AKAP13: variants seen among roughly 807,000 people sequenced by gnomAD.
AKAP13 encodes A-kinase anchor protein 13.
In AKAP13, 80 loss-of-function variants were observed where a neutral mutation model predicts 264.5. That is an observed-to-expected ratio of 0.30 (90% CI 0.25 to 0.36). The LOEUF is 0.36. Ranked by LOEUF, AKAP13 falls within the 10% of genes least tolerant of loss-of-function variation. The pLI, the probability that AKAP13 is intolerant of heterozygous loss-of-function variation, is 1.00. For missense variants in AKAP13, 3,712 were observed against 3,435.2 expected (o/e 1.08, Z -2.01); for synonymous variants, 1,380 against 1,250.2 (o/e 1.10, Z -2.19).
At chr15:85,506,538 A>G (rs148375603) in intron 2 of AKAP13, among the ~76,000 whole-genome samples, 2 of 151,438 alleles carry the variant, frequency 1.3e-5, no homozygotes, top group East Asian at 1.9e-4. Flanking sequence ...ATAATATATA[A>G]TGTATTAAAT....
In AKAP13 at chr15:85,672,111, C is replaced by G. The variant is rs536415972; in HGVS notation, c.5101+2281C>G. 2.0e-5 allele frequency among the ~76,000 whole-genome samples: 3 copies of G among 152,310 alleles called. No homozygotes were observed. In the South Asian group the frequency reaches 6.2e-4, roughly 32 times the overall value. ...GCTGAGAATTTTTCTGCTCAACTCA[C>G]CTAGGGAACCTGATTGCAGTAGTAG... On this transcript the variant is annotated intron_variant, in intron 14 of 36. Transcript: ENST00000394518.
intron 3 of AKAP13, among the ~76,000 whole-genome samples, chr15:85,522,211 TCTCATTAGGA>T (rs549779477): frequency 2.8e-4 from 43 of 152,286 alleles, no homozygotes; most frequent in South Asian, 2.3e-3. Context: ...GTGACTCAGT[TCTCATTAGGA>T]AAGGAATTGA....
chr15:85,664,849 TG>T, intron 13 of AKAP13, 94 bp downstream of exon 13: 1 of 1,177,286 alleles, frequency 8.5e-7, no homozygotes, highest in Non-Finnish European at 1.2e-6. Flanking sequence ...CTAGTAGCTA[TG>T]ATTACTTACC....
chr15:85,637,398 A>C (rs926735269), intron 8 of AKAP13, among the ~76,000 whole-genome samples: 1 of 152,146 alleles, frequency 6.6e-6, no homozygotes, highest in East Asian at 1.9e-4. Context: ...ATGGAATGCT[A>C]TTTCATCCAA....
chr15:85,554,937 A>G (rs1163693800), intron 5 of AKAP13, among the ~76,000 whole-genome samples: 2 of 152,326 alleles, frequency 1.3e-5, no homozygotes, highest in East Asian at 1.9e-4. Context: ...CAAATTACTC[A>G]TAGACAGTAG....
chr15:85,709,894 G>T (rs2086541207), intron 18 of AKAP13, among the ~76,000 whole-genome samples: 1 of 152,044 alleles, frequency 6.6e-6, no homozygotes, highest in Middle Eastern at 3.4e-3. Flanking sequence ...CGCCATGTTG[G>T]CTGGGCTGGT....
In AKAP13 at chr15:85,743,837, A is replaced by T. The variant is rs2089233088; in HGVS notation, c.8392+12A>T. ...CTCTCAGCCCGGTGGTGAGTCACGCACACCTGCTCTCCCTGTGGCCATAGT... is the reference window on the plus strand; with the variant it reads ...CTCTCAGCCCGGTGGTGAGTCACGCTCACCTGCTCTCCCTGTGGCCATAGT... On this transcript the variant is annotated intron_variant, in intron 36 of 36. Coordinates refer to ENST00000394518, the MANE Select transcript of AKAP13 (RefSeq NM_007200.5). The T allele has an allele frequency of 1.3e-6, 2 of 1,598,412 alleles. No individual in the cohort carries two copies. The highest frequency in any genetic ancestry group is 1.7e-6 in the Non-Finnish European group (2 of 1,173,214).
chr15:85,469,753 G>T (rs751200259), intron 1 of AKAP13, among the ~76,000 whole-genome samples: 13 of 152,188 alleles, frequency 8.5e-5, no homozygotes, highest in Non-Finnish European at 1.6e-4. Context: ...AGGTGGCAAA[G>T]AACTAGATTA....
chr15:85,719,599 C>T (rs1172549446), intron 23 of AKAP13, among the ~76,000 whole-genome samples: 5 of 152,114 alleles, frequency 3.3e-5, no homozygotes, highest in Non-Finnish European at 7.4e-5. Context: ...AGTTTTTCTT[C>T]CTCAGAGTCT....
chr15:85,574,288 C>A (rs1470756983), intron 5 of AKAP13, among the ~76,000 whole-genome samples: 1 of 152,132 alleles, frequency 6.6e-6, no homozygotes, highest in South Asian at 2.1e-4. Flanking sequence ...AAGATTCTTT[C>A]ATCTGCTGCA....
chr15:85,620,897 G>C (rs1322461654), intron 8 of AKAP13, among the ~76,000 whole-genome samples: 1 of 152,188 alleles, frequency 6.6e-6, no homozygotes, highest in Non-Finnish European at 1.5e-5. Flanking sequence ...AACTCCTCCA[G>C]CCGGTAAGAT....
At chr15:85,504,448 C>CTT (rs1260465150) in intron 2 of AKAP13, among the ~76,000 whole-genome samples, 1 of 134,490 alleles carries the variant, frequency 7.4e-6, no homozygotes, top group African/African-American at 2.8e-5. Flanking sequence ...GGGAGGATAG[C>CTT]TTAAGCCCAG....
chr15:85,466,218 A>C (rs1358479318), intron 1 of AKAP13, among the ~76,000 whole-genome samples: 8 of 150,526 alleles, frequency 5.3e-5, no homozygotes, highest in Non-Finnish European at 8.9e-5. Context: ...TTTTCTTGTA[A>C]ATTTGTTTGA....
At position 85,744,652 on chromosome 15, in the gene AKAP13, C is replaced by T; in HGVS notation, c.8417C>T (p.Ala2806Val). ...GATGGTCCCGCGTCAGAAGTATCAGCAGAGGGTGAAGAGATCTTCTGCTGA... is the reference window on the plus strand; with the variant it reads ...GATGGTCCCGCGTCAGAAGTATCAGTAGAGGGTGAAGAGATCTTCTGCTGA... ...PGDGPASEVSAEGEEIFC is the reference protein window; with the variant it reads ...PGDGPASEVSVEGEEIFC Residue 2806 changes from alanine (A) to valine (V), a missense_variant, in exon 37 of 37, where the codon GCA becomes GTA. Around this residue, in one of 3 missense-constraint regions of AKAP13, gnomAD observed 611 missense variants for 539.3 expected, o/e 1.13. Coordinates refer to ENST00000394518, the MANE Select transcript of AKAP13 (RefSeq NM_007200.5). The T allele has an allele frequency of 6.2e-7, 1 of 1,612,808 alleles. No individual in the cohort carries two copies. Among genetic ancestry groups the T allele is most frequent in the East Asian group, 2.2e-5 (1 of 44,862 alleles).
chr15:85,681,216 A>G (rs2084581247), intron 14 of AKAP13, among the ~76,000 whole-genome samples: 1 of 152,238 alleles, frequency 6.6e-6, no homozygotes, highest in Admixed American at 6.5e-5. Flanking sequence ...AACCTCAAGG[A>G]AAAAGGAAGG....
intron 17 of AKAP13, among the ~76,000 whole-genome samples, chr15:85,705,602 T>C (rs2086188061): frequency 6.6e-6 from 1 of 152,248 alleles, no homozygotes; most frequent in Non-Finnish European, 1.5e-5. Context: ...TAGAGTGTGA[T>C]GATTTTTTAA....
intron 1 of AKAP13, among the ~76,000 whole-genome samples, chr15:85,390,189 C>T (rs2150801154): frequency 6.6e-6 from 1 of 152,130 alleles, no homozygotes; most frequent in South Asian, 2.1e-4. Context: ...TAGTTGCTGC[C>T]GTTAATCTAT....
chr15:85,445,196 T>C (rs904947298), intron 1 of AKAP13, among the ~76,000 whole-genome samples: 17 of 152,212 alleles, frequency 1.1e-4, no homozygotes, highest in Non-Finnish European at 2.9e-5. Flanking sequence ...TGGATAACTC[T>C]TGTGAACATT....
Position 85,579,632 on chromosome 15 carries a change from C to A in AKAP13, c.1564C>A (p.His522Asn). 6.2e-7 allele frequency: 1 copy of A among 1,614,220 alleles called. No homozygotes were observed. The highest frequency in any genetic ancestry group is 8.5e-7 in the Non-Finnish European group (1 of 1,180,042). The change falls in exon 7 of 37, where the codon CAC becomes AAC. Residue 522 changes from histidine (H) to asparagine (N), a missense_variant. By Grantham distance (68) the His-to-Asn change is moderately conservative (BLOSUM62 1). Transcript: ENST00000394518. ...NIGTAGASDV[H>N]VTSKPVDKIS... Reference sequence around the variant, plus strand: ...TGGCACAGCTGGAGCCTCTGACGTGCACGTCACAAGTAAGCCTGTGGATAA... The same window carrying A: ...TGGCACAGCTGGAGCCTCTGACGTGAACGTCACAAGTAAGCCTGTGGATAA...
Sources: gnomAD v4.1 joint callset for allele counts (sites outside exome capture counted in the v4.1 genomes callset) on GRCh38, gnomAD v4.1.1 for gene constraint, gnomAD v4.1.1 regional missense constraint, MANE v1.5 for transcripts, NCBI Gene and HGNC (gene_info 2026-07-23, HGNC 2026-07-21) for gene names.